The following TNIK variants were observed in gnomAD, a reference collection of about 807,000 sequenced individuals.
TNIK encodes the protein TRAF2 and NCK interacting kinase.
A neutral mutation model predicts 191.3 loss-of-function variants in TNIK; 49 were observed. That is an observed-to-expected ratio of 0.26 (90% CI 0.20 to 0.32). The LOEUF (loss-of-function observed/expected upper bound fraction) is 0.32, where lower values mean the gene tolerates loss of function less well. Ranked by LOEUF, TNIK falls within the 10% of genes least tolerant of loss-of-function variation. TNIK has a pLI of 1.00. For missense variants in TNIK, 1,155 were observed against 1,702.3 expected, an observed-to-expected ratio of 0.68 and a Z score of 5.66; for synonymous variants, 594 against 600.9, an observed-to-expected ratio of 0.99 and a Z score of 0.17.
chr3:171,311,636 A>T lies in TNIK; in HGVS notation c.123+57984T>A, dbSNP rs191968358. 1.3e-3 allele frequency among the ~76,000 whole-genome samples: 194 copies of T among 152,268 alleles called. 1 individual carries two copies. Among genetic ancestry groups the T allele is most frequent in the African/African-American group, 4.5e-3 (189 of 41,552 alleles). On this transcript the variant is annotated intron_variant, in intron 2 of 32. Transcript: ENST00000436636. Reference sequence around the variant, plus strand: ...TGGAAGTAATCTCTTAGTATTGAGAACCTTCCCCCAGAAAACAAGCATGTC... The same window carrying T: ...TGGAAGTAATCTCTTAGTATTGAGATCCTTCCCCCAGAAAACAAGCATGTC...
rs1215580049 is a variant in TNIK at position 171,444,450 on chromosome 3, G to A, written c.57+15557C>T. Among the ~76,000 whole-genome samples, 4 of 152,028 alleles carry A rather than the reference G, an allele frequency of 2.6e-5. No individual in the cohort carries two copies. In the East Asian group the frequency reaches 7.7e-4, roughly 29 times the overall value. Reference sequence around the variant, plus strand: ...TCTTTCAGTTTCCAAGCAAATGTCAGCACCTCCTGGGGCTTCAAACTCAAT... The same window carrying A: ...TCTTTCAGTTTCCAAGCAAATGTCAACACCTCCTGGGGCTTCAAACTCAAT... On this transcript the variant is annotated intron_variant, in intron 1 of 32. Coordinates refer to ENST00000436636, the MANE Select transcript of TNIK (RefSeq NM_015028.4).
chr3:171,300,279 G>A (rs1471446780), intron 2 of TNIK, among the ~76,000 whole-genome samples: 1 of 152,164 alleles, frequency 6.6e-6, no homozygotes, highest in African/African-American at 2.4e-5. Context: ...ATTCTCTGTT[G>A]GCACTCACAC....
chr3:171,304,369 G>A (rs894785714), intron 2 of TNIK, among the ~76,000 whole-genome samples: 11 of 152,144 alleles, frequency 7.2e-5, no homozygotes, highest in Admixed American at 2.6e-4. Flanking sequence ...AACAGGTCCT[G>A]GAGAGGATGT....
chr3:171,093,941 C>T lies in TNIK; in HGVS notation c.2619G>A (p.Glu873=). The T allele has an allele frequency of 6.2e-7, 1 of 1,613,684 alleles. No homozygotes were observed. Among genetic ancestry groups the T allele is most frequent in the Non-Finnish European group, 8.5e-7 (1 of 1,179,782 alleles). The part of the protein sequence containing the change: ...LIPTGAPGSN[E]QYNVGMVGTH... ...TCCCCACCATTCCCACATTGTACTG[C>T]TCGTTGCTGCCTGGAGCTCCTGTTG... The change falls in exon 23 of 33, where the codon GAG becomes GAA. Residue 873 remains glutamate (E), a synonymous_variant. Coordinates refer to ENST00000436636, the MANE Select transcript of TNIK (RefSeq NM_015028.4).
intron 2 of TNIK, among the ~76,000 whole-genome samples, chr3:171,237,874 G>A (rs1744490687): frequency 6.6e-6 from 1 of 152,128 alleles, no homozygotes; most frequent in Admixed American, 6.5e-5. Flanking sequence ...GCTCTTGTAT[G>A]TACTTGCACT....
chr3:171,183,605 T>A lies in TNIK; in HGVS notation c.639+5097A>T, dbSNP rs575115800. ...AACACAAATATGAGGTTGAACCGTA[T>A]GAAACTGTTGCCTTTTAGGGGTAAA... On this transcript the variant is annotated intron_variant, in intron 7 of 32. Transcript: ENST00000436636. Among the ~76,000 whole-genome samples the A allele has an allele frequency of 2.0e-5, 3 of 152,246 alleles. No homozygotes were observed. The South Asian group carries it at 6.2e-4, about 32-fold the overall frequency.
rs759477071 is a variant in TNIK, at chr3:171,140,405, A to G, written c.1326T>C (p.His442=). The change falls in exon 13 of 33, where the codon CAT becomes CAC. Residue 442 remains histidine, a synonymous_variant. Coordinates refer to ENST00000436636, the MANE Select transcript of TNIK (RefSeq NM_015028.4). ...RREEERRRAE[H]EQEYIRRQLE... ...CTCCTGGTCCCAGCTGTACCTGTTC[A>G]TGCTCCGCACGCCTCCTCTCCTCCT... 1.9e-6 allele frequency: 3 copies of G among 1,589,670 alleles called. No individual in the cohort carries two copies. Among genetic ancestry groups the G allele is most frequent in the Non-Finnish European group, 2.6e-6 (3 of 1,168,004 alleles).
At chr3:171,246,944 T>A (rs1258766831) in intron 2 of TNIK, among the ~76,000 whole-genome samples, 1 of 152,060 alleles carries the variant, frequency 6.6e-6, no homozygotes, top group Non-Finnish European at 1.5e-5. Flanking sequence ...AGAATAAGAC[T>A]GGGGGGAAGA....
At chr3:171,443,286 T>G (rs932739936) in intron 1 of TNIK, among the ~76,000 whole-genome samples, 1 of 152,136 alleles carries the variant, frequency 6.6e-6, no homozygotes, top group Admixed American at 6.5e-5. Flanking sequence ...TGGAGCTCAA[T>G]TGAAAAATCG....
At chr3:171,365,732 T>A (rs190199093) in intron 2 of TNIK, among the ~76,000 whole-genome samples, 1 of 152,214 alleles carries the variant, frequency 6.6e-6, no homozygotes, top group Non-Finnish European at 1.5e-5. Flanking sequence ...AAGACTCTTA[T>A]AGCATGCTGG....
chr3:171,087,605 C>T (rs1721539898), intron 23 of TNIK, 99 bp from the exon 24 acceptor site: 2 of 1,324,738 alleles, frequency 1.5e-6, no homozygotes, highest in African/African-American at 2.9e-5. Context: ...GGCTCCAAAT[C>T]AACCCACTAG....
intron 1 of TNIK, among the ~76,000 whole-genome samples, chr3:171,440,020 C>A (rs1055487267): frequency 6.6e-6 from 1 of 152,200 alleles, no homozygotes; most frequent in African/African-American, 2.4e-5. Context: ...CACAGTTTTC[C>A]TGTACATAAT....
intron 2 of TNIK, 97 bp downstream of exon 2, chr3:171,369,523 G>A: frequency 1.2e-6 from 1 of 834,014 alleles, no homozygotes; most frequent in Non-Finnish European, 1.8e-6. Flanking sequence ...TTTTAAATTT[G>A]TTAGGAGCCA....
intron 1 of TNIK, among the ~76,000 whole-genome samples, chr3:171,388,311 C>T (rs1333376348): frequency 6.6e-6 from 1 of 152,166 alleles, no homozygotes; most frequent in Non-Finnish European, 1.5e-5. Flanking sequence ...AACAACTTCC[C>T]ATTGACACAC....
intron 2 of TNIK, among the ~76,000 whole-genome samples, chr3:171,237,503 G>GAA (rs35646907): frequency 9.5e-5 from 13 of 137,074 alleles, no homozygotes; most frequent in South Asian, 2.3e-4. Flanking sequence ...GATTCCCACG[G>GAA]AAAAAAAAAA....
At chr3:171,140,741 C>G (rs1259698883) in intron 12 of TNIK, among the ~76,000 whole-genome samples, 1 of 152,196 alleles carries the variant, frequency 6.6e-6, no homozygotes, top group Non-Finnish European at 1.5e-5. Flanking sequence ...TAAGTAGACT[C>G]TCACCAAGAC....
chr3:171,289,757 C>A (rs1751465197), intron 2 of TNIK, among the ~76,000 whole-genome samples: 2 of 151,970 alleles, frequency 1.3e-5, no homozygotes, highest in Non-Finnish European at 2.9e-5. Context: ...TGAAAATTAG[C>A]CAGGAATGGT....
chr3:171,261,933 G>A (rs1577283824), intron 2 of TNIK, among the ~76,000 whole-genome samples: 1 of 152,282 alleles, frequency 6.6e-6, no homozygotes, highest in East Asian at 1.9e-4. Context: ...CATTTGAGCT[G>A]TTTCCTGGAT....
rs181438114 is a variant in TNIK, at chr3:171,375,432, T to C, written c.58-5747A>G. Among the ~76,000 whole-genome samples, 214 of 152,332 alleles carry C rather than the reference T, an allele frequency of 1.4e-3. 1 individual carries two copies. The highest frequency in any genetic ancestry group is 2.3e-3 in the Admixed American group (35 of 15,296). On this transcript the variant is annotated intron_variant, in intron 1 of 32. Transcript: ENST00000436636. ...TGCTTAGCAAACAGAGTCAGGTATT[T>C]ATGGACAAAATGTATGTCTCTTTAA... is the stretch of plus-strand genomic sequence containing the variant.
Sources: allele counts gnomAD v4.1 joint callset (sites outside exome capture counted in the v4.1 genomes callset), GRCh38; gene constraint gnomAD v4.1.1; transcripts MANE v1.5; gene names NCBI Gene and HGNC (gene_info 2026-07-23, HGNC 2026-07-21).